The following PDE1C variants were observed in gnomAD, a reference collection of about 807,000 sequenced individuals.
The protein encoded by PDE1C is phosphodiesterase 1C.
PDE1C carries 62 observed loss-of-function variants against 93.1 expected under a neutral mutation model. The observed-to-expected ratio is 0.67, with a 90% CI of 0.54 to 0.82. PDE1C has a LOEUF of 0.82. PDE1C is among the 40% of genes least tolerant of loss of function. The pLI, the probability that PDE1C is intolerant of heterozygous loss-of-function variation, is 0.00. For missense variants in PDE1C, 742 were observed against 884.6 expected (o/e 0.84, Z 2.04); for synonymous variants, 325 against 310.1 (o/e 1.05, Z -0.50).
chr7:31,724,035 A>G, the PDE1C span, among the ~76,000 whole-genome samples: 7 of 152,146 alleles, frequency 4.6e-5, no homozygotes, highest in Non-Finnish European at 1.5e-5. Flanking sequence ...CTTGCGATCT[A>G]TTTATTTTTT....
chr7:32,055,643 T>A (rs916835888), intron 1 of PDE1C, among the ~76,000 whole-genome samples: 1 of 151,958 alleles, frequency 6.6e-6, no homozygotes, highest in South Asian at 2.1e-4. Flanking sequence ...AAAACCCCAG[T>A]TTATTCTTGG....
At chr7:31,638,503 G>A in the PDE1C span, among the ~76,000 whole-genome samples, 3 of 151,976 alleles carry the variant, frequency 2.0e-5, no homozygotes, top group African/African-American at 4.8e-5. Context: ...AATCCCACAC[G>A]ACATTGTTAA....
At chr7:31,711,370 A>C in the PDE1C span, among the ~76,000 whole-genome samples, 2 of 152,312 alleles carry the variant, frequency 1.3e-5, no homozygotes, top group African/African-American at 4.8e-5. Flanking sequence ...TTCCCATTTC[A>C]TCTCATTTGA....
At chr7:32,107,726 A>G (rs1798401821) in intron 3 of PDE1C, among the ~76,000 whole-genome samples, 1 of 151,776 alleles carries the variant, frequency 6.6e-6, no homozygotes, top group Non-Finnish European at 1.5e-5. Context: ...AAGAATATTA[A>G]AGAAGAAATA....
At chr7:31,648,383 TTTTA>T in the PDE1C span, among the ~76,000 whole-genome samples, 11 of 152,100 alleles carry the variant, frequency 7.2e-5, no homozygotes, top group African/African-American at 1.9e-4. Flanking sequence ...TTTTGAGGGT[TTTTA>T]TTTATTTTTT....
chr7:32,073,327 T>C (rs1450996127), upstream of PDE1C, among the ~76,000 whole-genome samples: 2 of 152,224 alleles, frequency 1.3e-5, no homozygotes, highest in African/African-American at 4.8e-5. Flanking sequence ...AACTTTGCTT[T>C]ATCTACAGCC....
chr7:31,817,320 A>G (rs1033569488), intron 14 of PDE1C, among the ~76,000 whole-genome samples: 1 of 152,148 alleles, frequency 6.6e-6, no homozygotes, highest in African/African-American at 2.4e-5. Flanking sequence ...TAGAAAATGC[A>G]AAGGCCATGA....
rs562008975 is a variant in PDE1C at position 31,833,787 on chromosome 7, AG to A, written c.1203+3392del. Among the ~76,000 whole-genome samples, 282 of 152,364 alleles carry A rather than the reference AG, an allele frequency of 1.9e-3. 2 individuals are homozygous for A. Among genetic ancestry groups the A allele is most frequent in the African/African-American group, 6.3e-3 (264 of 41,594 alleles). On this transcript the variant is annotated intron_variant, in intron 11 of 17. Transcript: ENST00000396191. ...TTTTAAAAGGGAAACGACACATAAAAGTTCAGAAAATTTGCAGCCTGATGAT... is the reference window on the plus strand; with the variant it reads ...TTTTAAAAGGGAAACGACACATAAAATTCAGAAAATTTGCAGCCTGATGAT...
chr7:32,070,526 C>A (rs549779984), upstream of PDE1C: 4 of 1,493,584 alleles, frequency 2.7e-6, no homozygotes, highest in East Asian at 9.6e-5. Context: ...GCGCGCTCCC[C>A]CTTCTGCGCC....
chr7:32,062,167 G>A (rs1215360494), intron 1 of PDE1C, among the ~76,000 whole-genome samples: 1 of 152,068 alleles, frequency 6.6e-6, no homozygotes, highest in Non-Finnish European at 1.5e-5. Context: ...TCCTCCCTTA[G>A]TGATCCTAAT....
chr7:31,688,013 C>T, the PDE1C span, among the ~76,000 whole-genome samples: 1 of 152,150 alleles, frequency 6.6e-6, no homozygotes, highest in Non-Finnish European at 1.5e-5. Context: ...CATCTCATTA[C>T]CAGCTTCAGA....
the PDE1C span, among the ~76,000 whole-genome samples, chr7:31,737,698 A>G: frequency 6.7e-6 from 1 of 150,254 alleles, no homozygotes; most frequent in South Asian, 2.1e-4. Flanking sequence ...GCTACTCGGG[A>G]GGCCAAGGCA....
intron 2 of PDE1C, among the ~76,000 whole-genome samples, chr7:32,041,697 C>T (rs1340392534): frequency 2.0e-5 from 3 of 152,034 alleles, no homozygotes; most frequent in African/African-American, 4.8e-5. Context: ...CTGTTAAGTA[C>T]GAAAATAGAC....
chr7:31,647,655 CAGAG>C, the PDE1C span, among the ~76,000 whole-genome samples: 10 of 115,764 alleles, frequency 8.6e-5, no homozygotes, highest in Admixed American at 1.1e-4. Context: ...GCCTGAGCAA[CAGAG>C]AGAGTCTCCG....
At chr7:32,311,874 T>G (rs555117062) in intron 1 of PDE1C, among the ~76,000 whole-genome samples, 42 of 152,294 alleles carry the variant, frequency 2.8e-4, no homozygotes, top group African/African-American at 9.1e-4. Context: ...TCGCCACTCC[T>G]ATTCAACATA....
At chr7:32,265,732 C>T (rs534418269) in intron 1 of PDE1C, among the ~76,000 whole-genome samples, 2 of 152,302 alleles carry the variant, frequency 1.3e-5, no homozygotes, top group South Asian at 2.1e-4. Context: ...GAGACATATA[C>T]GTATCCAAAT....
At chr7:31,943,598 C>G (rs1337319900) in intron 2 of PDE1C, among the ~76,000 whole-genome samples, 1 of 152,154 alleles carries the variant, frequency 6.6e-6, no homozygotes, top group Non-Finnish European at 1.5e-5. Flanking sequence ...AACAGTAGTC[C>G]TATAAATATC....
chr7:32,233,758 G>A (rs1807874870), intron 1 of PDE1C, among the ~76,000 whole-genome samples: 1 of 152,064 alleles, frequency 6.6e-6, no homozygotes, highest in Non-Finnish European at 1.5e-5. Flanking sequence ...TTATCTCTCA[G>A]TAATCAATAG....
the PDE1C span, among the ~76,000 whole-genome samples, chr7:31,712,923 C>A: frequency 1.8e-3 from 281 of 152,262 alleles, 1 homozygote; most frequent in African/African-American, 6.5e-3. Context: ...TACCTCCCAC[C>A]AGGTCCCTCC....
Sources: gnomAD v4.1 joint callset for allele counts (sites outside exome capture counted in the v4.1 genomes callset) on GRCh38, gnomAD v4.1.1 for gene constraint, MANE v1.5 for transcripts, NCBI Gene and HGNC (gene_info 2026-07-23, HGNC 2026-07-21) for gene names.